The following FAM120C variants were observed in gnomAD, a reference collection of about 807,000 sequenced individuals.
FAM120C encodes constitutive coactivator of PPAR-gamma-like protein 2.
Under a neutral mutation model 71.2 loss-of-function variants are expected in FAM120C, and 14 were observed. The ratio of observed to expected loss-of-function variants is 0.20; its 90% CI spans 0.13 to 0.31. FAM120C has a LOEUF of 0.31. Among genes scored for constraint, FAM120C ranks in the 10% least tolerant of loss-of-function variants. The pLI is 1.00. For synonymous variants in FAM120C, 354 were observed against 353.2 expected (o/e 1.00, Z -0.03); for missense variants, 500 against 879.0 (o/e 0.57, Z 5.45).
chrX:54,092,574 C>T (rs1205387549), intron 10 of FAM120C, among the ~76,000 whole-genome samples: 2 of 108,362 alleles, frequency 1.8e-5, no homozygotes, highest in African/African-American at 3.4e-5. Context: ...GAGGAGACGA[C>T]GAAGAAGAAA....
Position 54,183,044 on chromosome X carries a change from C to T in FAM120C, c.155G>A (p.Gly52Glu), listed in dbSNP as rs1557137832. 8.6e-7 allele frequency: 1 copy of T among 1,157,423 alleles called. No individual in the cohort carries two copies. The highest frequency in any genetic ancestry group is 2.6e-5 in the Admixed American group (1 of 38,667). The change falls in exon 1 of 16, where the codon GGG becomes GAG. Residue 52 changes from glycine to glutamate, a missense_variant. This residue lies in a region of FAM120C where 79 missense variants were observed against 78.3 expected (regional missense o/e 1.01). Coordinates refer to ENST00000375180, the MANE Select transcript of FAM120C (RefSeq NM_017848.6). ...QLPPTAALAP[G>E]APRAARGSVP... ...GGAGCCCCTGGCGGCGCGTGGAGCC[C>T]CGGGCGCTAGGGCTGCAGTCGGCGG... is the stretch of plus-strand genomic sequence containing the variant.
At chrX:54,134,193 C>T (rs2067082737) in intron 7 of FAM120C, 147 bp from the exon 8 acceptor site, 3 of 541,609 alleles carry the variant, frequency 5.5e-6, no homozygotes, top group Non-Finnish European at 8.7e-6. Context: ...TACCTTTCCT[C>T]TCAATGGCCA....
intron 4 of FAM120C, among the ~76,000 whole-genome samples, chrX:54,143,860 A>T (rs185426795): frequency 6.5e-4 from 73 of 111,483 alleles, no homozygotes; most frequent in African/African-American, 2.0e-3. Context: ...GAGACACAAC[A>T]AAAAAAGAAT....
At chrX:54,076,732 T>C (rs1557120726) in intron 15 of FAM120C, among the ~76,000 whole-genome samples, 1 of 112,043 alleles carries the variant, frequency 8.9e-6, no homozygotes, top group Admixed American at 9.5e-5. Context: ...CCTGTAAGTA[T>C]TCAATGAGAC....
intron 9 of FAM120C, among the ~76,000 whole-genome samples, chrX:54,124,462 G>A (rs2067014309): frequency 1.3e-5 from 1 of 79,161 alleles, no homozygotes; most frequent in African/African-American, 4.5e-5. Flanking sequence ...GCAATATTCG[G>A]GTGGGAGTGA....
intron 4 of FAM120C, among the ~76,000 whole-genome samples, chrX:54,137,917 A>G (rs1557130875): frequency 9.0e-6 from 1 of 111,730 alleles, no homozygotes; most frequent in Non-Finnish European, 1.9e-5. Context: ...CACTTACCAT[A>G]TGATACAGCA....
At chrX:54,088,708 C>T (rs1315736667) in intron 11 of FAM120C, among the ~76,000 whole-genome samples, 1 of 108,962 alleles carries the variant, frequency 9.2e-6, no homozygotes, top group Non-Finnish European at 1.9e-5. Flanking sequence ...CTTGCAGATA[C>T]CAGCACCATG....
At chrX:54,140,796 C>T (rs1334922657) in intron 4 of FAM120C, among the ~76,000 whole-genome samples, 2 of 108,094 alleles carry the variant, frequency 1.9e-5, no homozygotes, top group Non-Finnish European at 3.8e-5. Flanking sequence ...AAAAATTAGC[C>T]AGGCGTGGTA....
chrX:54,104,521 C>A (rs1269720753), intron 10 of FAM120C, among the ~76,000 whole-genome samples: 1 of 111,695 alleles, frequency 9.0e-6, no homozygotes, highest in Non-Finnish European at 1.9e-5. Flanking sequence ...CTTAAAAACA[C>A]AGGAGGCCGG....
chrX:54,082,954 TA>T (rs1349323505), intron 13 of FAM120C, among the ~76,000 whole-genome samples: 1 of 108,848 alleles, frequency 9.2e-6, no homozygotes, highest in Non-Finnish European at 1.9e-5. Context: ...CCGTCTCTAC[TA>T]AAAATACAAA....
chrX:54,112,543 T>C (rs1233848412), intron 10 of FAM120C, among the ~76,000 whole-genome samples: 1 of 107,584 alleles, frequency 9.3e-6, no homozygotes, highest in Non-Finnish European at 1.9e-5. Context: ...CCGTCTCTAC[T>C]GAAAATACAA....
In FAM120C at chrX:54,136,512, G is replaced by A; in HGVS notation, c.1237C>T (p.Pro413Ser). The A allele has an allele frequency of 1.7e-6, 2 of 1,208,155 alleles. No homozygotes were observed. Among genetic ancestry groups the A allele is most frequent in the Middle Eastern group, 2.3e-4 (1 of 4,337 alleles). The change falls in exon 5 of 16, where the codon CCA becomes TCA. Residue 413 changes from proline to serine, a missense_variant. Coordinates refer to ENST00000375180, the MANE Select transcript of FAM120C (RefSeq NM_017848.6). ...TTACCTAGAAAGGAGGGACCCACTG[G>A]CAGCGAAGAGAGTTTGGTTGTGACT... ...YSVTTKLSSL[P>S]VGPSFLGFRN...
At chrX:54,084,581 C>T (rs1380456924) in intron 13 of FAM120C, among the ~76,000 whole-genome samples, 2 of 111,895 alleles carry the variant, frequency 1.8e-5, no homozygotes, top group Non-Finnish European at 3.8e-5. Flanking sequence ...GTAATCCCAG[C>T]ACTTTGGGAG....
chrX:54,074,225 G>C (rs2066724433), intron 15 of FAM120C, among the ~76,000 whole-genome samples: 1 of 111,608 alleles, frequency 9.0e-6, no homozygotes. Flanking sequence ...GATGAGGAAG[G>C]TGAGGCTCAG....
chrX:54,082,378 T>C (rs782299660), intron 13 of FAM120C, among the ~76,000 whole-genome samples: 5 of 110,559 alleles, frequency 4.5e-5, no homozygotes, highest in Non-Finnish European at 7.6e-5. Context: ...TCTTAACATC[T>C]AGTTATTGGA....
Position 54,085,845 on chromosome X carries a change from C to T in FAM120C, c.2709G>A (p.Pro903=), listed in dbSNP as rs926348446. The change falls in exon 13 of 16, where the codon CCG becomes CCA. Residue 903 remains proline, a synonymous_variant. Coordinates refer to ENST00000375180, the MANE Select transcript of FAM120C (RefSeq NM_017848.6). ...ILEGVNMNHP[P]PSALLPSPTF... ...TAGGTGACGGAAGTAGAGCAGAAGG[C>T]GGTGGATGATTCATGTTGACTCCTT... 3 of 1,211,306 alleles carry T rather than the reference C, an allele frequency of 2.5e-6. No individual in the cohort carries two copies. Among genetic ancestry groups the T allele is most frequent in the Non-Finnish European group, 3.4e-6 (3 of 895,246 alleles).
intron 1 of FAM120C, among the ~76,000 whole-genome samples, chrX:54,165,132 C>A: frequency 9.0e-6 from 1 of 111,708 alleles, no homozygotes; most frequent in Non-Finnish European, 1.9e-5. Context: ...GTTAAAGTAA[C>A]AAACACTACC....
At chrX:54,136,642 T>G in intron 4 of FAM120C, 52 bp from the exon 5 acceptor site, 2 of 810,556 alleles carry the variant, frequency 2.5e-6, no homozygotes, top group Non-Finnish European at 3.7e-6. Flanking sequence ...GAGTGTTTTT[T>G]TAATACAGTT....
chrX:54,109,308 T>C (rs1569532095), intron 10 of FAM120C, among the ~76,000 whole-genome samples: 1 of 85,218 alleles, frequency 1.2e-5, no homozygotes, highest in East Asian at 3.7e-4. Flanking sequence ...TTTCAGGTAT[T>C]CTGCCATAAG....
Sources: gnomAD v4.1 joint callset for allele counts (sites outside exome capture counted in the v4.1 genomes callset) on GRCh38, gnomAD v4.1.1 for gene constraint, gnomAD v4.1.1 regional missense constraint, MANE v1.5 for transcripts, NCBI Gene and HGNC (gene_info 2026-07-23, HGNC 2026-07-21) for gene names.